Variants in GRIK1 observed in about 807,000 individuals in gnomAD.
GRIK1 encodes the protein glutamate ionotropic receptor kainate type subunit 1.
In GRIK1, 69 loss-of-function variants were observed where a neutral mutation model predicts 105.7. The ratio of observed to expected loss-of-function variants is 0.65; its 90% confidence interval spans 0.54 to 0.80. The LOEUF (loss-of-function observed/expected upper bound fraction) is 0.80, where lower values mean the gene tolerates loss of function less well. Among genes scored for constraint, GRIK1 ranks in the 30% least tolerant of loss-of-function variants. The pLI is 0.00. For missense variants in GRIK1, 1,109 were observed against 1,167.3 expected, an observed-to-expected ratio of 0.95 and a Z score of 0.73; for synonymous variants, 438 against 431.3, an observed-to-expected ratio of 1.02 and a Z score of -0.19.
intron 7 of GRIK1, among the ~76,000 whole-genome samples, chr21:29,600,735 G>A (rs909911116): frequency 3.3e-5 from 5 of 152,158 alleles, no homozygotes; most frequent in Non-Finnish European, 5.9e-5. Context: ...TGAACTTGAG[G>A]CGTTTTAATT....
chr21:29,746,499 TTC>T (rs750460036), intron 1 of GRIK1, among the ~76,000 whole-genome samples: 155 of 152,360 alleles, frequency 1.0e-3, no homozygotes, highest in South Asian at 2.5e-3. Context: ...CCCTGTTTCT[TTC>T]TCTCTCATTT....
At chr21:29,690,928 C>CT (rs2063573156) in intron 2 of GRIK1, among the ~76,000 whole-genome samples, 1 of 151,962 alleles carries the variant, frequency 6.6e-6, no homozygotes, top group African/African-American at 2.4e-5. Context: ...TATAGCATGT[C>CT]TTTTTTTCAA....
At chr21:29,790,025 G>A (rs190962491) in intron 1 of GRIK1, among the ~76,000 whole-genome samples, 1 of 152,134 alleles carries the variant, frequency 6.6e-6, no homozygotes, top group African/African-American at 2.4e-5. Flanking sequence ...GTTCACGTAA[G>A]TCTCCTTTAA....
chr21:29,571,373 A>C (rs1287853126), intron 14 of GRIK1, among the ~76,000 whole-genome samples: 1 of 152,084 alleles, frequency 6.6e-6, no homozygotes, highest in African/African-American at 2.4e-5. Context: ...AAGAAAAAAA[A>C]AATTCCACTT....
At chr21:29,799,258 C>T (rs967142359) in intron 1 of GRIK1, among the ~76,000 whole-genome samples, 1 of 152,200 alleles carries the variant, frequency 6.6e-6, no homozygotes, top group African/African-American at 2.4e-5. Flanking sequence ...AAAAGAATTG[C>T]AACCGTTTTA....
chr21:29,807,952 G>A (rs1445485146), intron 1 of GRIK1, among the ~76,000 whole-genome samples: 1 of 152,026 alleles, frequency 6.6e-6, no homozygotes, highest in African/African-American at 2.4e-5. Flanking sequence ...TTCTCATTGA[G>A]GGGCTTGGTG....
chr21:29,804,213 CAAAGA>C (rs993785636), intron 1 of GRIK1, among the ~76,000 whole-genome samples: 3 of 152,022 alleles, frequency 2.0e-5, no homozygotes, highest in African/African-American at 7.2e-5. Context: ...CATACGTAAT[CAAAGA>C]AAAGTGTCTA....
At chr21:29,911,538 T>C (rs555316794) in intron 1 of GRIK1, among the ~76,000 whole-genome samples, 1 of 152,202 alleles carries the variant, frequency 6.6e-6, no homozygotes, top group African/African-American at 2.4e-5. Context: ...TAATATTACA[T>C]ACTCTGATTG....
chr21:29,747,586 T>A (rs1363630380), intron 1 of GRIK1, among the ~76,000 whole-genome samples: 1 of 152,126 alleles, frequency 6.6e-6, no homozygotes, highest in African/African-American at 2.4e-5. Context: ...ATCCCAGCAC[T>A]TTGGTAGGCT....
intron 1 of GRIK1, among the ~76,000 whole-genome samples, chr21:29,777,815 AAAAG>A (rs1279713868): frequency 3.9e-5 from 6 of 152,290 alleles, no homozygotes; most frequent in Non-Finnish European, 5.9e-5. Context: ...AGAAAGAAAA[AAAAG>A]AAAGAAAAAC....
chr21:29,785,609 T>C (rs1022289502), intron 1 of GRIK1, among the ~76,000 whole-genome samples: 11 of 151,016 alleles, frequency 7.3e-5, no homozygotes, highest in Non-Finnish European at 1.6e-4. Flanking sequence ...CATTACTTCA[T>C]TTTTGTTCAT....
intron 3 of GRIK1, among the ~76,000 whole-genome samples, chr21:29,679,792 A>G (rs2063337638): frequency 6.6e-6 from 1 of 152,214 alleles, no homozygotes; most frequent in African/African-American, 2.4e-5. Context: ...GGTATGAATT[A>G]AACCGTAACC....
intron 3 of GRIK1, among the ~76,000 whole-genome samples, chr21:29,675,204 T>C (rs2063242454): frequency 6.6e-6 from 1 of 152,196 alleles, no homozygotes; most frequent in Non-Finnish European, 1.5e-5. Flanking sequence ...ATCCAACACT[T>C]AATCTTTTGA....
At chr21:29,816,939 T>C (rs2067169876) in intron 1 of GRIK1, among the ~76,000 whole-genome samples, 2 of 152,204 alleles carry the variant, frequency 1.3e-5, no homozygotes, top group Admixed American at 1.3e-4. Flanking sequence ...AAATATGAAA[T>C]GTTACCAACA....
In GRIK1 at chr21:29,939,505, C is replaced by G; in HGVS notation, c.-5G>C. 1 of 1,553,864 alleles carries G rather than the reference C, an allele frequency of 6.4e-7. No homozygotes were observed. Among genetic ancestry groups the G allele is most frequent in the Non-Finnish European group, 8.7e-7 (1 of 1,146,820 alleles). ...GAGGAGTGTGCCGTGCTCCATCTTC[C>G]TAGCTTCTTAATTCATGCCGAGATA... is the stretch of plus-strand genomic sequence containing the variant. On this transcript the variant is annotated 5_prime_UTR_variant, in exon 1 of 18. Coordinates refer to ENST00000327783, the MANE Select transcript of GRIK1 (RefSeq NM_001330994.2).
At chr21:29,597,123 A>C (rs363467) in intron 8 of GRIK1, among the ~76,000 whole-genome samples, 2 of 152,218 alleles carry the variant, frequency 1.3e-5, no homozygotes, top group East Asian at 3.8e-4. Flanking sequence ...AGAGGCTGAC[A>C]TAAAAAGATT....
intron 1 of GRIK1, among the ~76,000 whole-genome samples, chr21:29,886,349 A>G (rs1310847721): frequency 3.9e-5 from 6 of 152,108 alleles, no homozygotes; most frequent in Non-Finnish European, 8.8e-5. Context: ...TTCTTTGCAC[A>G]TATTTTCCAG....
At position 29,577,101 on chromosome 21, in the gene GRIK1, A is replaced by G; in HGVS notation, c.1993T>C (p.Ser665Pro). The part of the protein sequence containing the change: ...WWFFTLIIIS[S>P]YTANLAAFLT... Reference sequence around the variant, plus strand: ...AAGGCAGCCAGATTGGCCGTGTAGGATGAAATGATGATTAGGGTGAAAAAC... The same window carrying G: ...AAGGCAGCCAGATTGGCCGTGTAGGGTGAAATGATGATTAGGGTGAAAAAC... The change falls in exon 14 of 18, where the codon TCC (serine) becomes CCC (proline). Residue 665 changes from serine to proline, a missense_variant. By Grantham distance (74) the Ser-to-Pro change is moderately conservative. This residue lies in a region of GRIK1 where 264 missense variants were observed against 306.9 expected (regional missense o/e 0.86). Transcript: ENST00000327783. 6.2e-7 allele frequency: 1 copy of G among 1,612,598 alleles called. No individual in the cohort carries two copies. Among genetic ancestry groups the G allele is most frequent in the Non-Finnish European group, 8.5e-7 (1 of 1,178,632 alleles).
chr21:29,934,917 A>C (rs1452229988), intron 1 of GRIK1, among the ~76,000 whole-genome samples: 1 of 152,128 alleles, frequency 6.6e-6, no homozygotes. Flanking sequence ...CAACATGTTA[A>C]TATTAGTCAG....
Sources: allele counts gnomAD v4.1 joint callset (sites outside exome capture counted in the v4.1 genomes callset), GRCh38; gene constraint gnomAD v4.1.1; regional missense constraint gnomAD v4.1.1; transcripts MANE v1.5; gene names NCBI Gene and HGNC (gene_info 2026-07-23, HGNC 2026-07-21).